PCDHGA10: variants seen among roughly 807,000 people sequenced by gnomAD.
PCDHGA10 encodes the protein protocadherin gamma-A10.
Under a neutral mutation model 59.5 loss-of-function variants are expected in PCDHGA10, and 42 were observed. The ratio of observed to expected loss-of-function variants is 0.71; its 90% CI spans 0.55 to 0.91. The LOEUF (loss-of-function observed/expected upper bound fraction) is 0.91. Ranked by LOEUF, PCDHGA10 falls within the 40% of genes least tolerant of loss-of-function variation. PCDHGA10 has a pLI of 0.00. For synonymous variants in PCDHGA10, 511 were observed against 517.2 expected (o/e 0.99, Z 0.16); for missense variants, 1,111 against 1,198.2 (o/e 0.93, Z 1.07).
intron 1 of PCDHGA10, among the ~76,000 whole-genome samples, chr5:141,443,486 A>AAAAC (rs1345310906): frequency 6.6e-6 from 1 of 152,166 alleles, no homozygotes; most frequent in Non-Finnish European, 1.5e-5. Flanking sequence ...ACCCTGTCCC[A>AAAAC]AAACAAACAA....
Position 141,414,846 on chromosome 5 carries a change from G to A in PCDHGA10, c.1671G>A (p.Leu557=). Residue 557 remains leucine, a synonymous_variant, in exon 1 of 4, where the codon CTG becomes CTA. Coordinates refer to ENST00000398610, the MANE Select transcript of PCDHGA10 (RefSeq NM_018913.3). ...SSNVSLSLFV[L]DQNDNAPEIL... The stretch of plus-strand genomic sequence containing the variant: ...ACGTGTCGTTGAGCCTGTTTGTGCT[G>A]GACCAGAACGACAATGCGCCCGAGA... 1 of 1,614,218 alleles carries A rather than the reference G, an allele frequency of 6.2e-7. No individual in the cohort carries two copies. Among genetic ancestry groups the A allele is most frequent in the African/African-American group, 1.3e-5 (1 of 75,048 alleles).
chr5:141,498,042 A>G (rs1189035278), intron 2 of PCDHGA10, among the ~76,000 whole-genome samples: 2 of 152,238 alleles, frequency 1.3e-5, no homozygotes, highest in Non-Finnish European at 2.9e-5. Flanking sequence ...AATAATTACA[A>G]AAATAAATGT....
chr5:141,423,750 T>TGGG lies in PCDHGA10; in HGVS notation c.2436+8147_2436+8149dup, dbSNP rs144521096. 4.7e-3 allele frequency: 1,348 copies of TGGG among 288,070 alleles called. 1 individual carries two copies. The highest frequency in any genetic ancestry group is 5.4e-3 in the Non-Finnish European group (1,192 of 221,408). 17.8% of individuals were successfully genotyped at this position (288,070 alleles called of 1,614,324 possible). A position where few individuals can be genotyped will look rare whatever the true frequency, so the allele number is the denominator to read the frequency against. ...TTTTGAGCCTGTTATGAAAACTGTT[T>TGGG]GGGGGGGGGGTGGGGCGGCATATAT... is the stretch of plus-strand genomic sequence containing the variant. On this transcript the variant is annotated intron_variant, in intron 1 of 3. Coordinates refer to ENST00000398610, the MANE Select transcript of PCDHGA10 (RefSeq NM_018913.3).
Position 141,491,611 on chromosome 5 carries a change from A to G in PCDHGA10, c.2437-3196A>G. The G allele has an allele frequency of 6.2e-7, 1 of 1,613,866 alleles. No individual in the cohort carries two copies. The highest frequency in any genetic ancestry group is 8.5e-7 in the Non-Finnish European group (1 of 1,180,018). Reference sequence around the variant, plus strand: ...GGACGGCAGTGACTTCACTTTTCTAAGACCCCTCAGCGTTCAGCAGCCCAC... The same window carrying G: ...GGACGGCAGTGACTTCACTTTTCTAGGACCCCTCAGCGTTCAGCAGCCCAC... On this transcript the variant is annotated intron_variant, in intron 1 of 3. Transcript: ENST00000398610. This position sits in a 1 kb window ranked among gnomAD's most constrained non-coding sequence, Gnocchi z 6.9.
Position 141,439,440 on chromosome 5 carries a change from A to T in PCDHGA10, c.2436+23829A>T, listed in dbSNP as rs147662506. 1.4e-3 allele frequency among the ~76,000 whole-genome samples: 212 copies of T among 152,330 alleles called. 1 individual carries two copies. The highest frequency in any genetic ancestry group is 4.8e-3 in the African/African-American group (198 of 41,576). On this transcript the variant is annotated intron_variant, in intron 1 of 3. Transcript: ENST00000398610. Reference sequence around the variant, plus strand: ...GGTTATAAATTCCCAGGAATATTTTATTGCGGGAGCAAGACTGCACTGCTG... The same window carrying T: ...GGTTATAAATTCCCAGGAATATTTTTTTGCGGGAGCAAGACTGCACTGCTG...
At chr5:141,428,362 G>T (rs868168419) in intron 1 of PCDHGA10, 2 of 556,756 alleles carry the variant, frequency 3.6e-6, no homozygotes, top group Non-Finnish European at 6.6e-6. Context: ...TTTGGCGGTC[G>T]CCTTGCACCT....
intron 1 of PCDHGA10, chr5:141,419,440 C>T (rs368129873): frequency 1.9e-6 from 3 of 1,613,034 alleles, no homozygotes; most frequent in African/African-American, 2.7e-5. Context: ...AGCTGCGCAC[C>T]TTCGAGCTCA....
rs2154573815 is a variant in PCDHGA10 at position 141,475,798 on chromosome 5, CAAAGG to C, written c.2437-19004_2437-19000del. ...TTGGCTGGAAACTCTGGAAGGAAGC[CAAAGG>C]AAAGTGAAGTTCCTGGCGCTAGCGC... On this transcript the variant is annotated intron_variant, in intron 1 of 3. Coordinates refer to ENST00000398610, the MANE Select transcript of PCDHGA10 (RefSeq NM_018913.3). The C allele has an allele frequency of 9.7e-6, 3 of 309,052 alleles. No homozygotes were observed. The South Asian group carries it at 2.0e-4, about 21-fold the overall frequency. 19.1% of individuals were successfully genotyped at this position (309,052 alleles called of 1,614,324 possible).
intron 1 of PCDHGA10, among the ~76,000 whole-genome samples, chr5:141,438,629 TATATATAC>T (rs1474630940): frequency 0.043 from 2,039 of 47,824 alleles, 19 homozygotes; most frequent in South Asian, 0.061. Flanking sequence ...TATATATATA[TATATATAC>T]ACACACACAC....
At chr5:141,501,287 T>C (rs1025193070) in intron 2 of PCDHGA10, among the ~76,000 whole-genome samples, 1 of 96,980 alleles carries the variant, frequency 1.0e-5, no homozygotes, top group African/African-American at 4.2e-5. Context: ...GGATATTCCC[T>C]TATACACACA....
intron 1 of PCDHGA10, among the ~76,000 whole-genome samples, chr5:141,483,722 C>G (rs1043315057): frequency 6.6e-6 from 1 of 152,080 alleles, no homozygotes; most frequent in Non-Finnish European, 1.5e-5. Context: ...TATTGGTTCC[C>G]ACCATAGTCA....
At position 141,486,002 on chromosome 5, in the gene PCDHGA10, G is replaced by A. The variant is rs372373315; in HGVS notation, c.2437-8805G>A. ...CCCGGACCTGGGTCCCAGTGGTAAC[G>A]TCACCTTTTATTTCAGTGGTCATAC... On this transcript the variant is annotated intron_variant, in intron 1 of 3. Coordinates refer to ENST00000398610, the MANE Select transcript of PCDHGA10 (RefSeq NM_018913.3). The surrounding 1 kb of genome is among the most constrained non-coding windows in gnomAD (Gnocchi z 5.0). 2.0e-5 allele frequency: 33 copies of A among 1,614,030 alleles called. No homozygotes were observed. The highest frequency in any genetic ancestry group is 2.8e-5 in the Non-Finnish European group (33 of 1,180,014).
In PCDHGA10 at chr5:141,432,921, A is replaced by G; in HGVS notation, c.2436+17310A>G. On this transcript the variant is annotated intron_variant, in intron 1 of 3. Transcript: ENST00000398610. The surrounding 1 kb of genome is among the most constrained non-coding windows in gnomAD (Gnocchi z 6.0). ...GCGCTCAGGCTGCGGCGCTGGCACAAGTCACGCCTGCTGCAGGCTTCAGGA... is the reference window on the plus strand; with the variant it reads ...GCGCTCAGGCTGCGGCGCTGGCACAGGTCACGCCTGCTGCAGGCTTCAGGA... 6.2e-7 allele frequency: 1 copy of G among 1,614,114 alleles called. No individual in the cohort carries two copies. The highest frequency in any genetic ancestry group is 1.7e-4 in the Middle Eastern group (1 of 6,060).
intron 1 of PCDHGA10, 104 bp downstream of exon 1, chr5:141,415,715 T>A: frequency 7.0e-7 from 1 of 1,428,190 alleles, no homozygotes; most frequent in Non-Finnish European, 9.3e-7. Flanking sequence ...AAAACACTGA[T>A]GAGTAGAATT....
chr5:141,415,744 T>TG (rs2095925177), intron 1 of PCDHGA10, 133 bp downstream of exon 1: 4 of 404,428 alleles, frequency 9.9e-6, no homozygotes, highest in Admixed American at 2.1e-4. Flanking sequence ...ATTAAGGTTT[T>TG]TTTTTTTTTT....
intron 1 of PCDHGA10, among the ~76,000 whole-genome samples, chr5:141,448,581 T>A (rs570781751): frequency 2.0e-5 from 3 of 152,274 alleles, no homozygotes; most frequent in African/African-American, 7.2e-5. Context: ...CCATTTTTTT[T>A]ACAAAAAGAT....
chr5:141,422,838 C>G, intron 1 of PCDHGA10: 3 of 1,614,252 alleles, frequency 1.9e-6, no homozygotes, highest in African/African-American at 2.7e-5. Flanking sequence ...TAGCACGTGA[C>G]AGCGGGGACC....
At chr5:141,445,751 G>A (rs1211416281) in intron 1 of PCDHGA10, among the ~76,000 whole-genome samples, 1 of 152,102 alleles carries the variant, frequency 6.6e-6, no homozygotes, top group East Asian at 1.9e-4. Context: ...AAAAATAAAA[G>A]GTGTGACTCA....
chr5:141,486,498 T>C lies in PCDHGA10; in HGVS notation c.2437-8309T>C, dbSNP rs755907391. On this transcript the variant is annotated intron_variant, in intron 1 of 3. Coordinates refer to ENST00000398610, the MANE Select transcript of PCDHGA10 (RefSeq NM_018913.3). The surrounding 1 kb of genome is among the most constrained non-coding windows in gnomAD (Gnocchi z 5.0). The stretch of plus-strand genomic sequence containing the variant: ...CCTCTCAGTACCCACAGAACTATTT[T>C]CCTCAATATTTCAGATGTGAATGAT... 6.2e-7 allele frequency: 1 copy of C among 1,614,030 alleles called. No individual in the cohort carries two copies. The highest frequency in any genetic ancestry group is 8.5e-7 in the Non-Finnish European group (1 of 1,179,874).
Sources: allele counts gnomAD v4.1 joint callset (sites outside exome capture counted in the v4.1 genomes callset), GRCh38; gene constraint gnomAD v4.1.1; non-coding constraint Gnocchi (gnomAD v3.1); transcripts MANE v1.5; gene names NCBI Gene and HGNC (gene_info 2026-07-23, HGNC 2026-07-21).